Variants in TENM2 observed in about 807,000 individuals in gnomAD.
TENM2 encodes the protein teneurin transmembrane protein 2.
Under a neutral mutation model 245.2 loss-of-function variants are expected in TENM2, and 52 were observed. The ratio of observed to expected loss-of-function variants is 0.21; its 90% CI spans 0.17 to 0.27. TENM2 has a LOEUF of 0.27. Among genes scored for constraint, TENM2 ranks in the 10% least tolerant of loss-of-function variants. TENM2 has a pLI of 1.00. For missense variants in TENM2, 3,046 were observed against 3,666.8 expected (o/e 0.83, Z 4.37); for synonymous variants, 1,363 against 1,438.9 (o/e 0.95, Z 1.19).
At chr5:168,229,662 TTGTAACTTTTTTGCTG>T (rs1764654720) in intron 25 of TENM2, 1 of 152,044 alleles carries the variant, frequency 6.6e-6, no homozygotes, top group South Asian at 2.1e-4. Flanking sequence ...AAAGCTTGGG[TTGTAACTTTTTTGCTG>T]TGTAACTGGA....
intron 5 of TENM2, among the ~76,000 whole-genome samples, chr5:168,040,128 T>G (rs964748131): frequency 6.6e-6 from 1 of 152,180 alleles, no homozygotes; most frequent in African/African-American, 2.4e-5. Context: ...AACTATCACC[T>G]TGTTCTCATG....
At chr5:168,162,046 C>T (rs1757793084) in intron 12 of TENM2, among the ~76,000 whole-genome samples, 1 of 152,092 alleles carries the variant, frequency 6.6e-6, no homozygotes, top group Non-Finnish European at 1.5e-5. Context: ...TTAAGTGCCC[C>T]TTAAAACTAA....
intron 4 of TENM2, among the ~76,000 whole-genome samples, chr5:167,977,192 G>T (rs776856990): frequency 6.6e-6 from 1 of 152,126 alleles, no homozygotes; most frequent in Admixed American, 6.6e-5. Flanking sequence ...TGGGAGAAGA[G>T]AGAGGATCAG....
chr5:167,988,893 G>C (rs868402324), intron 4 of TENM2, among the ~76,000 whole-genome samples: 1 of 152,196 alleles, frequency 6.6e-6, no homozygotes, highest in Non-Finnish European at 1.5e-5. Context: ...TCACGAAGCA[G>C]TGCCATATGC....
chr5:167,402,846 G>A (rs1012509790), intron 2 of TENM2, among the ~76,000 whole-genome samples: 2 of 152,128 alleles, frequency 1.3e-5, no homozygotes, highest in East Asian at 3.9e-4. Flanking sequence ...GAGACATGCA[G>A]CCTTGTTGCC....
At chr5:167,829,400 A>G (rs1218794869) in intron 2 of TENM2, among the ~76,000 whole-genome samples, 2 of 152,174 alleles carry the variant, frequency 1.3e-5, no homozygotes, top group African/African-American at 2.4e-5. Flanking sequence ...CACACTGAGC[A>G]TCTGATTAAA....
chr5:167,094,243 T>A, the TENM2 span, among the ~76,000 whole-genome samples: 4 of 152,134 alleles, frequency 2.6e-5, no homozygotes, highest in African/African-American at 9.7e-5. Flanking sequence ...ATTTGGTAAG[T>A]TTTGCACGTG....
the TENM2 span, among the ~76,000 whole-genome samples, chr5:167,026,437 C>G: frequency 7.2e-4 from 109 of 152,278 alleles, no homozygotes; most frequent in African/African-American, 2.6e-3. Context: ...CCAGTATTCC[C>G]TCTTGTTTTT....
intron 2 of TENM2, among the ~76,000 whole-genome samples, chr5:167,504,636 C>T (rs1220268034): frequency 6.6e-6 from 1 of 152,182 alleles, no homozygotes; most frequent in East Asian, 1.9e-4. Context: ...TGTGGCTCTG[C>T]AGCTGGGGAT....
the TENM2 span, among the ~76,000 whole-genome samples, chr5:167,113,816 T>A: frequency 6.6e-6 from 1 of 152,188 alleles, no homozygotes; most frequent in African/African-American, 2.4e-5. Context: ...CATCCAAAGA[T>A]AACCATGGTT....
intron 2 of TENM2, among the ~76,000 whole-genome samples, chr5:167,453,742 A>T (rs548370213): frequency 2.6e-5 from 4 of 152,172 alleles, no homozygotes; most frequent in Non-Finnish European, 4.4e-5. Flanking sequence ...TGAACTGTAA[A>T]TTGAGCCAAT....
chr5:167,590,485 C>G (rs959301474), intron 2 of TENM2, among the ~76,000 whole-genome samples: 8 of 151,968 alleles, frequency 5.3e-5, no homozygotes, highest in Non-Finnish European at 1.2e-4. Flanking sequence ...TAATCCATTA[C>G]TAGATATTTG....
chr5:168,195,999 A>G, intron 15 of TENM2, among the ~76,000 whole-genome samples: 1 of 152,142 alleles, frequency 6.6e-6, no homozygotes, highest in African/African-American at 2.4e-5. Flanking sequence ...GAGGGAGAAA[A>G]CACTAACTTA....
chr5:167,632,852 C>A (rs1460273647), intron 2 of TENM2, among the ~76,000 whole-genome samples: 1 of 152,138 alleles, frequency 6.6e-6, no homozygotes, highest in African/African-American at 2.4e-5. Context: ...AAAACACAAA[C>A]AAACAAACAT....
intron 1 of TENM2, among the ~76,000 whole-genome samples, chr5:167,346,715 C>G (rs140362595): frequency 5.9e-5 from 9 of 152,140 alleles, no homozygotes; most frequent in African/African-American, 2.2e-4. Context: ...CAGTTTTGTA[C>G]GCACAGCAAG....
the TENM2 span, among the ~76,000 whole-genome samples, chr5:167,246,812 G>A: frequency 2.6e-5 from 4 of 151,784 alleles, no homozygotes; most frequent in Non-Finnish European, 5.9e-5. Flanking sequence ...GGGCACTTTT[G>A]GGTAGGAATG....
the TENM2 span, among the ~76,000 whole-genome samples, chr5:167,035,241 A>T: frequency 1.5e-4 from 23 of 152,320 alleles, no homozygotes; most frequent in African/African-American, 5.1e-4. Context: ...AAAAAAAGAA[A>T]ACTGGAAGCA....
At chr5:167,151,183 G>A in the TENM2 span, among the ~76,000 whole-genome samples, 1 of 152,128 alleles carries the variant, frequency 6.6e-6, no homozygotes, top group Non-Finnish European at 1.5e-5. Context: ...GGGATCTTGG[G>A]GATCCCTGCC....
chr5:167,179,515 A>G, the TENM2 span, among the ~76,000 whole-genome samples: 13 of 152,224 alleles, frequency 8.5e-5, no homozygotes, highest in South Asian at 2.7e-3. Flanking sequence ...TAGGATTTAT[A>G]CACTGTAGGC....
Sources: gnomAD v4.1 joint callset for allele counts (sites outside exome capture counted in the v4.1 genomes callset) on GRCh38, gnomAD v4.1.1 for gene constraint, MANE v1.5 for transcripts, NCBI Gene and HGNC (gene_info 2026-07-23, HGNC 2026-07-21) for gene names.